Variants in HNRNPC observed in about 807,000 individuals in gnomAD.
HNRNPC encodes the protein heterogeneous nuclear ribonucleoproteins C1/C2.
Under a neutral mutation model 33.2 loss-of-function variants are expected in HNRNPC, and 3 were observed. That is an observed-to-expected ratio of 0.09 (90% CI 0.04 to 0.23). HNRNPC has a LOEUF of 0.23. Among genes scored for constraint, HNRNPC ranks in the 10% least tolerant of loss-of-function variants. HNRNPC has a pLI of 1.00. For missense variants in HNRNPC, 143 were observed against 366.7 expected (o/e 0.39, Z 4.98); for synonymous variants, 121 against 126.7 (o/e 0.96, Z 0.30).
intron 3 of HNRNPC, chr14:21,231,466 C>G (rs1594246070): frequency 2.2e-6 from 1 of 451,854 alleles, no homozygotes; most frequent in African/African-American, 2.0e-5. Flanking sequence ...AGGTGATCCT[C>G]CCACCCAAGT....
At chr14:21,262,432 A>G (rs1341370821) in intron 2 of HNRNPC, among the ~76,000 whole-genome samples, 1 of 152,272 alleles carries the variant, frequency 6.6e-6, no homozygotes, top group African/African-American at 2.4e-5. Flanking sequence ...ATATTATTCC[A>G]TTAGTTTACA....
intron 2 of HNRNPC, among the ~76,000 whole-genome samples, chr14:21,261,766 T>C (rs1332995915): frequency 6.6e-6 from 1 of 152,166 alleles, no homozygotes; most frequent in Non-Finnish European, 1.5e-5. Flanking sequence ...AAAATCTAAT[T>C]ATCTCCCAGC....
At chr14:21,251,849 G>A (rs1478917687) in intron 2 of HNRNPC, among the ~76,000 whole-genome samples, 1 of 152,022 alleles carries the variant, frequency 6.6e-6, no homozygotes, top group Non-Finnish European at 1.5e-5. Flanking sequence ...TCTCACATCA[G>A]TTAAGATCAG....
intron 1 of HNRNPC, among the ~76,000 whole-genome samples, chr14:21,266,588 A>G (rs1879020285): frequency 6.6e-6 from 1 of 150,858 alleles, no homozygotes; most frequent in South Asian, 2.1e-4. Flanking sequence ...CAATATCGAG[A>G]ATACCTGTAG....
chr14:21,247,539 C>T (rs890260711), intron 2 of HNRNPC, among the ~76,000 whole-genome samples: 3 of 151,860 alleles, frequency 2.0e-5, no homozygotes, highest in African/African-American at 4.8e-5. Flanking sequence ...TTTTTGTACC[C>T]CGAAAAGTTA....
At chr14:21,231,108 T>C in intron 3 of HNRNPC, 36 bp from the exon 4 acceptor site, 4 of 1,572,280 alleles carry the variant, frequency 2.5e-6, no homozygotes, top group Non-Finnish European at 3.5e-6. Context: ...ATGACAACTT[T>C]GTATCCGGGT....
intron 2 of HNRNPC, among the ~76,000 whole-genome samples, chr14:21,245,361 T>C (rs1050360973): frequency 6.6e-6 from 1 of 151,906 alleles, no homozygotes; most frequent in African/African-American, 2.4e-5. Flanking sequence ...CCAAGCGTGG[T>C]GGTGCATGCC....
chr14:21,212,579 G>A (rs1023592974), intron 6 of HNRNPC, among the ~76,000 whole-genome samples: 1 of 149,976 alleles, frequency 6.7e-6, no homozygotes, highest in Admixed American at 6.7e-5. Flanking sequence ...AGTTTTGCTC[G>A]TCACCCAGGC....
At chr14:21,220,904 T>C (rs1003122446) in intron 5 of HNRNPC, among the ~76,000 whole-genome samples, 2 of 151,198 alleles carry the variant, frequency 1.3e-5, no homozygotes, top group Admixed American at 1.3e-4. Flanking sequence ...CTGGGCAACA[T>C]GGTGAAACCC....
At chr14:21,263,684 T>C (rs1195196088) in intron 1 of HNRNPC, 3 of 152,174 alleles carry the variant, frequency 2.0e-5, no homozygotes, top group South Asian at 2.1e-4. Context: ...TTTGCTGTAG[T>C]GCACACCAAG....
intron 2 of HNRNPC, among the ~76,000 whole-genome samples, chr14:21,259,882 C>CAAA (rs5807071): frequency 0.15 from 20,527 of 132,494 alleles, 2,009 homozygotes; most frequent in South Asian, 0.21. Flanking sequence ...CTGTCTCCAC[C>CAAA]AAAAAAAAAA....
chr14:21,225,438 A>AG (rs1416588033), intron 5 of HNRNPC, among the ~76,000 whole-genome samples: 2 of 145,596 alleles, frequency 1.4e-5, no homozygotes, highest in Admixed American at 6.8e-5. Context: ...TCTCAAAAAA[A>AG]GGAAAAAAAA....
chr14:21,233,371 T>A (rs1343061113), intron 3 of HNRNPC, among the ~76,000 whole-genome samples: 3 of 152,190 alleles, frequency 2.0e-5, no homozygotes, highest in Non-Finnish European at 4.4e-5. Flanking sequence ...ATAATCATCT[T>A]AACTTTGTAA....
chr14:21,230,886 A>G lies in HNRNPC; in HGVS notation c.317+111T>C, dbSNP rs1566613648. Reference sequence around the variant, plus strand: ...AAACACAGTACACTTAAACCTCCCCACACCCAGAAAACAGAAAGAGAAGAT... The same window carrying G: ...AAACACAGTACACTTAAACCTCCCCGCACCCAGAAAACAGAAAGAGAAGAT... On this transcript the variant is annotated intron_variant, in intron 4 of 8. Transcript: ENST00000553300. 4 of 1,248,026 alleles carry G rather than the reference A, an allele frequency of 3.2e-6. No homozygotes were observed. The Admixed American group carries it at 7.6e-5, about 24-fold the overall frequency. 77.3% of individuals were successfully genotyped at this position (1,248,026 alleles called of 1,614,324 possible).
chr14:21,264,074 A>G (rs1185894444), intron 1 of HNRNPC: 1 of 152,242 alleles, frequency 6.6e-6, no homozygotes, highest in Admixed American at 6.5e-5. Flanking sequence ...TCTCAAAAAG[A>G]GTATATCCCA....
chr14:21,222,303 A>AG (rs1320853488), intron 5 of HNRNPC, among the ~76,000 whole-genome samples: 1 of 152,180 alleles, frequency 6.6e-6, no homozygotes, highest in Non-Finnish European at 1.5e-5. Context: ...CACTTCTCCT[A>AG]GGTATATATA....
chr14:21,240,463 T>A (rs1312677828), intron 2 of HNRNPC, among the ~76,000 whole-genome samples: 1 of 152,218 alleles, frequency 6.6e-6, no homozygotes, highest in Non-Finnish European at 1.5e-5. Context: ...GTAATTCAAT[T>A]CTACTTGGAA....
chr14:21,245,489 G>A (rs1895876475), intron 2 of HNRNPC, among the ~76,000 whole-genome samples: 1 of 145,514 alleles, frequency 6.9e-6, no homozygotes, highest in Non-Finnish European at 1.5e-5. Context: ...AAGCGAGACT[G>A]TCGCCAAAAA....
intron 2 of HNRNPC, among the ~76,000 whole-genome samples, chr14:21,236,625 T>A (rs182388974): frequency 5.4e-4 from 82 of 152,328 alleles, no homozygotes; most frequent in Admixed American, 5.4e-3. Context: ...TCAAATTTTA[T>A]GGAAGAGGTA....
Sources: allele counts gnomAD v4.1 joint callset (sites outside exome capture counted in the v4.1 genomes callset), GRCh38; gene constraint gnomAD v4.1.1; transcripts MANE v1.5; gene names NCBI Gene and HGNC (gene_info 2026-07-23, HGNC 2026-07-21).